Variants in ZNF362 observed in about 807,000 individuals in gnomAD.
ZNF362 encodes the protein rotund homolog.
ZNF362 carries 11 observed loss-of-function variants against 42.9 expected under a neutral mutation model. That is an observed-to-expected ratio of 0.26 (90% CI 0.16 to 0.42). The LOEUF is 0.42. Among genes scored for constraint, ZNF362 ranks in the 20% least tolerant of loss-of-function variants. ZNF362 has a pLI of 1.00. For synonymous variants in ZNF362, 255 were observed against 257.3 expected, an observed-to-expected ratio of 0.99 and a Z score of 0.09; for missense variants, 362 against 576.2, an observed-to-expected ratio of 0.63 and a Z score of 3.81.
the ZNF362 span, chr1:33,141,813 T>C: frequency 5.9e-6 from 1 of 170,328 alleles, no homozygotes; most frequent in Non-Finnish European, 1.3e-5. Context: ...AACCTGCACG[T>C]CCTGCACATG....
At chr1:33,247,722 C>T in the ZNF362 span, among the ~76,000 whole-genome samples, 5 of 152,316 alleles carry the variant, frequency 3.3e-5, no homozygotes, top group South Asian at 4.1e-4. Flanking sequence ...GAGCTGGGTC[C>T]AGATGTGCTG....
At chr1:33,232,370 T>G in the ZNF362 span, among the ~76,000 whole-genome samples, 1 of 152,150 alleles carries the variant, frequency 6.6e-6, no homozygotes, top group Non-Finnish European at 1.5e-5. Flanking sequence ...GTTCAAGCGA[T>G]TCTCCTGCCT....
At position 33,276,381 on chromosome 1, in the gene ZNF362, G is replaced by A; in HGVS notation, c.136G>A (p.Glu46Lys). 6.4e-7 allele frequency: 1 copy of A among 1,568,694 alleles called. No homozygotes were observed. ...DNLVLINKIK[E>K]QLMAEKIRPP... ...CCTGGTTCTGATTAACAAGATCAAG[G>A]AGCAGCTGATGGCCGAGAAGATCAG... The change falls in exon 4 of 9, where the codon GAG becomes AAG. Residue 46 changes from glutamate to lysine, a missense_variant. Glu to Lys is a moderately conservative substitution (Grantham distance 56, BLOSUM62 1). Coordinates refer to ENST00000539719, the MANE Select transcript of ZNF362 (RefSeq NM_152493.3).
At chr1:33,261,550 C>T (rs921583627) in intron 1 of ZNF362, 40 of 152,298 alleles carry the variant, frequency 2.6e-4, no homozygotes, top group African/African-American at 8.9e-4. Context: ...ACCGCATGAA[C>T]CCTCAGGATT....
At chr1:33,259,481 T>C (rs1021278266) in intron 1 of ZNF362, among the ~76,000 whole-genome samples, 6 of 152,222 alleles carry the variant, frequency 3.9e-5, no homozygotes, top group Non-Finnish European at 8.8e-5. Flanking sequence ...TCCTGTCTTA[T>C]CTCTCTGTAA....
At chr1:33,159,263 C>A in the ZNF362 span, among the ~76,000 whole-genome samples, 1 of 151,910 alleles carries the variant, frequency 6.6e-6, no homozygotes, top group Non-Finnish European at 1.5e-5. The surrounding 1 kb of genome is among the most constrained non-coding windows in gnomAD (Gnocchi z 4.2). Flanking sequence ...CCAACATTAT[C>A]ATAAATAAAA....
chr1:33,257,059 G>C (rs1645798076), intron 1 of ZNF362, among the ~76,000 whole-genome samples: 1 of 152,146 alleles, frequency 6.6e-6, no homozygotes, highest in Non-Finnish European at 1.5e-5. Flanking sequence ...CTTTGCAGCC[G>C]GCCCGGTGGA....
intron 1 of ZNF362, among the ~76,000 whole-genome samples, chr1:33,263,413 A>ATT (rs1215525000): frequency 2.1e-5 from 3 of 144,356 alleles, no homozygotes; most frequent in Non-Finnish European, 3.1e-5. Context: ...ACAAATGATG[A>ATT]TTTTTTTTTT....
the ZNF362 span, among the ~76,000 whole-genome samples, chr1:33,199,612 T>C: frequency 6.6e-6 from 1 of 152,212 alleles, no homozygotes; most frequent in East Asian, 1.9e-4. Context: ...ATGGCAATTA[T>C]GTGGGTAAAA....
the ZNF362 span, among the ~76,000 whole-genome samples, chr1:33,249,623 G>A: frequency 6.6e-6 from 1 of 152,126 alleles, no homozygotes; most frequent in Non-Finnish European, 1.5e-5. Flanking sequence ...CGTGAATTAT[G>A]CCACTGCCCT....
Position 33,280,077 on chromosome 1 carries a change from C to T in ZNF362, c.350-47C>T, listed in dbSNP as rs111271822. The T allele has an allele frequency of 6.6e-7, 1 of 1,513,782 alleles. No homozygotes were observed. Among genetic ancestry groups the T allele is most frequent in the South Asian group, 1.3e-5 (1 of 76,740 alleles). 93.8% of individuals were successfully genotyped at this position (1,513,782 alleles called of 1,614,324 possible). On this transcript the variant is annotated intron_variant, in intron 4 of 8. Transcript: ENST00000539719. This position sits in a 1 kb window ranked among gnomAD's most constrained non-coding sequence, Gnocchi z 5.6. ...ATAGCTGGGTGGGCAGCTGAGCTGG[C>T]CTCTGCAGCTCCGCTCACCCCTGCC... is the stretch of plus-strand genomic sequence containing the variant.
chr1:33,276,895 A>AT (rs1182337968), intron 4 of ZNF362, among the ~76,000 whole-genome samples: 1 of 152,244 alleles, frequency 6.6e-6, no homozygotes, highest in Non-Finnish European at 1.5e-5. Context: ...AAATCACGAG[A>AT]TTCTTTGGGA....
At chr1:33,128,813 T>C in the ZNF362 span, among the ~76,000 whole-genome samples, 1 of 152,222 alleles carries the variant, frequency 6.6e-6, no homozygotes, top group East Asian at 1.9e-4. Context: ...ATCCTACTTA[T>C]GGAAAAATCA....
At chr1:33,243,911 C>T in the ZNF362 span, among the ~76,000 whole-genome samples, 29 of 151,994 alleles carry the variant, frequency 1.9e-4, no homozygotes, top group East Asian at 7.8e-4. Flanking sequence ...TGTGCCTGGC[C>T]GACTTTTATG....
intron 6 of ZNF362, among the ~76,000 whole-genome samples, chr1:33,287,012 C>T (rs567371389): frequency 4.6e-5 from 7 of 152,254 alleles, no homozygotes; most frequent in East Asian, 3.9e-4. Context: ...GGTTGAGTGG[C>T]GTTGGAGCAT....
the ZNF362 span, among the ~76,000 whole-genome samples, chr1:33,149,566 T>G: frequency 2.0e-5 from 3 of 152,166 alleles, no homozygotes; most frequent in African/African-American, 7.2e-5. Context: ...GTGATCCTCC[T>G]GCTTCAGCCT....
intron 2 of ZNF362, among the ~76,000 whole-genome samples, chr1:33,271,276 C>T (rs1434663499): frequency 1.3e-5 from 2 of 152,234 alleles, no homozygotes; most frequent in Admixed American, 1.3e-4. Flanking sequence ...TCCCCTCACA[C>T]TGTTGGGCTC....
chr1:33,174,019 A>AT, the ZNF362 span, among the ~76,000 whole-genome samples: 10 of 151,808 alleles, frequency 6.6e-5, no homozygotes, highest in African/African-American at 2.4e-4. Context: ...TTTAAAAAAA[A>AT]TTTTATTGAG....
the ZNF362 span, among the ~76,000 whole-genome samples, chr1:33,231,493 C>G: frequency 6.6e-6 from 1 of 152,144 alleles, no homozygotes; most frequent in Non-Finnish European, 1.5e-5. Context: ...TGACCCTGGG[C>G]TCCAAAAGAT....
Sources: allele counts gnomAD v4.1 joint callset (sites outside exome capture counted in the v4.1 genomes callset), GRCh38; gene constraint gnomAD v4.1.1; non-coding constraint Gnocchi (gnomAD v3.1); transcripts MANE v1.5; gene names NCBI Gene and HGNC (gene_info 2026-07-23, HGNC 2026-07-21).